Variants in SH3RF2 observed in about 807,000 individuals in gnomAD.
The protein encoded by SH3RF2 is SH3 domain containing ring finger 2.
Under a neutral mutation model 59.0 loss-of-function variants are expected in SH3RF2, and 43 were observed. The ratio of observed to expected loss-of-function variants is 0.73; its 90% CI spans 0.57 to 0.94. The LOEUF (loss-of-function observed/expected upper bound fraction) is 0.94, where lower values mean the gene tolerates loss of function less well. Among genes scored for constraint, SH3RF2 ranks in the 40% least tolerant of loss-of-function variants. The probability of loss-of-function intolerance (pLI) is 0.00; values close to 1 mark genes in which losing one functional copy is unlikely to be tolerated. For synonymous variants in SH3RF2, 391 were observed against 391.5 expected, an observed-to-expected ratio of 1.00 and a Z score of 0.01; for missense variants, 930 against 940.1, an observed-to-expected ratio of 0.99 and a Z score of 0.14.
At chr5:146,009,513 CCTT>C (rs1760788530) in intron 4 of SH3RF2, among the ~76,000 whole-genome samples, 1 of 152,156 alleles carries the variant, frequency 6.6e-6, no homozygotes. Flanking sequence ...ATAGCTAGCT[CCTT>C]CTTGACATTT....
At chr5:146,059,545 TGTAC>T (rs1413243058) in intron 8 of SH3RF2, among the ~76,000 whole-genome samples, 15 of 151,088 alleles carry the variant, frequency 9.9e-5, no homozygotes, top group African/African-American at 3.7e-4. Context: ...CGTGTGTGTG[TGTAC>T]GTGTGTGTGT....
chr5:146,036,893 C>T (rs559642389), intron 5 of SH3RF2, among the ~76,000 whole-genome samples: 1 of 152,266 alleles, frequency 6.6e-6, no homozygotes, highest in Admixed American at 6.5e-5. Flanking sequence ...CAACCTAGCA[C>T]CGGGGAAAAG....
At position 146,060,240 on chromosome 5, in the gene SH3RF2, C is replaced by A; in HGVS notation, c.1914+16C>A. ...CATCGAAAAGGTAGGATCAGAGTGA[C>A]ATTGGGGGCCCAACTCTTTCGATCC... is the stretch of plus-strand genomic sequence containing the variant. On this transcript the variant is annotated intron_variant, in intron 9 of 9. Transcript: ENST00000359120. 1.3e-6 allele frequency: 2 copies of A among 1,575,608 alleles called. No individual in the cohort carries two copies. The highest frequency in any genetic ancestry group is 1.7e-6 in the Non-Finnish European group (2 of 1,158,676).
chr5:146,034,833 G>A (rs1761873264), intron 5 of SH3RF2, among the ~76,000 whole-genome samples: 1 of 152,186 alleles, frequency 6.6e-6, no homozygotes, highest in South Asian at 2.1e-4. Flanking sequence ...GAGGCCAGGT[G>A]CAGTGGCTCA....
intron 5 of SH3RF2, among the ~76,000 whole-genome samples, chr5:146,045,145 G>A (rs1413100895): frequency 6.6e-6 from 1 of 152,116 alleles, no homozygotes; most frequent in Non-Finnish European, 1.5e-5. Flanking sequence ...GCCCTGTAGG[G>A]GTTTAACCTT....
At chr5:146,028,020 C>G (rs1191262045) in intron 5 of SH3RF2, among the ~76,000 whole-genome samples, 7 of 152,156 alleles carry the variant, frequency 4.6e-5, no homozygotes, top group Non-Finnish European at 1.0e-4. Context: ...TTAATCCTGG[C>G]AGGTGAGTCA....
chr5:146,029,302 T>C (rs1761657973), intron 5 of SH3RF2, among the ~76,000 whole-genome samples: 1 of 152,322 alleles, frequency 6.6e-6, no homozygotes, highest in South Asian at 2.1e-4. Flanking sequence ...CCATGCTCTT[T>C]CCCTGCCCAA....
chr5:145,938,284 A>G lies in SH3RF2; in HGVS notation c.356A>G (p.Asn119Ser). Reference sequence around the variant, plus strand: ...GCCAGTCCTTTCCGGCTAGTGCCTAATGTCAGAATCCACATGGATGGGGTA... The same window carrying G: ...GCCAGTCCTTTCCGGCTAGTGCCTAGTGTCAGAATCCACATGGATGGGGTA... ...LQASPFRLVP[N>S]VRIHMDGVPR... The change falls in exon 2 of 10, where the codon AAT (asparagine) becomes AGT (serine). Residue 119 changes from asparagine to serine, a missense_variant. By Grantham distance (46) the Asn-to-Ser change is conservative (BLOSUM62 1). Coordinates refer to ENST00000359120, the MANE Select transcript of SH3RF2 (RefSeq NM_152550.4). 1 of 1,572,364 alleles carries G rather than the reference A, an allele frequency of 6.4e-7. No individual in the cohort carries two copies. Among genetic ancestry groups the G allele is most frequent in the South Asian group, 1.2e-5 (1 of 85,466 alleles).
chr5:146,018,893 G>A (rs1356077110), intron 5 of SH3RF2, among the ~76,000 whole-genome samples: 1 of 22,570 alleles, frequency 4.4e-5, no homozygotes, highest in African/African-American at 4.8e-5. Flanking sequence ...GTGATATTGA[G>A]CATTTTTATA....
At chr5:146,033,451 CTTTTTTTTTTTTTTTT>C (rs558717056) in intron 5 of SH3RF2, among the ~76,000 whole-genome samples, 55 of 71,860 alleles carry the variant, frequency 7.7e-4, no homozygotes, top group East Asian at 4.1e-4. Context: ...TAGCCCTTAG[CTTTTTTTTTTTTTTTT>C]TTTTTTTTTT....
intron 5 of SH3RF2, among the ~76,000 whole-genome samples, chr5:146,031,937 A>T (rs1761758927): frequency 6.6e-6 from 1 of 152,120 alleles, no homozygotes; most frequent in South Asian, 2.1e-4. Flanking sequence ...AGCACCTCAC[A>T]ATGATGCATG....
intron 4 of SH3RF2, among the ~76,000 whole-genome samples, chr5:146,006,077 G>A (rs572891520): frequency 8.5e-4 from 129 of 152,236 alleles, no homozygotes; most frequent in African/African-American, 3.0e-3. Context: ...CCTACTCTCA[G>A]AGACTATAAA....
At chr5:146,055,903 A>T (rs1427990622) in intron 7 of SH3RF2, 78 bp from the exon 8 acceptor site, 1 of 1,485,836 alleles carries the variant, frequency 6.7e-7, no homozygotes, top group Admixed American at 2.0e-5. Flanking sequence ...GGGAGCTGAT[A>T]GGTTTTTAAA....
At chr5:146,074,180 C>G (rs1763295955) in intron 9 of SH3RF2, among the ~76,000 whole-genome samples, 1 of 152,032 alleles carries the variant, frequency 6.6e-6, no homozygotes, top group Non-Finnish European at 1.5e-5. Context: ...GCTGGGACTA[C>G]AGGCGCCCAA....
rs558167175 is a variant in SH3RF2, at chr5:146,078,260, C to A, written c.*34-200C>A. On this transcript the variant is annotated intron_variant, in intron 9 of 9. Transcript: ENST00000511217. ...ACTTTACAGTACCAAACACCTTAAC[C>A]AAAACACCAAAGTTAGCATCACAAG... Among the ~76,000 whole-genome samples the A allele has an allele frequency of 3.9e-5, 6 of 152,226 alleles. No homozygotes were observed. In the South Asian group the frequency reaches 8.3e-4, roughly 21 times the overall value.
intron 2 of SH3RF2, among the ~76,000 whole-genome samples, chr5:145,969,128 T>C (rs1312673229): frequency 6.6e-6 from 1 of 152,206 alleles, no homozygotes; most frequent in South Asian, 2.1e-4. Context: ...AATATTTACA[T>C]GCTGTTGCCA....
intron 9 of SH3RF2, among the ~76,000 whole-genome samples, chr5:146,077,427 T>C (rs1242110998): frequency 1.3e-5 from 2 of 152,224 alleles, no homozygotes; most frequent in Non-Finnish European, 2.9e-5. Flanking sequence ...TTCAGACTTT[T>C]ATAAATGTTT....
At chr5:146,046,273 C>A (rs1314455664) in intron 5 of SH3RF2, among the ~76,000 whole-genome samples, 1 of 152,114 alleles carries the variant, frequency 6.6e-6, no homozygotes, top group Non-Finnish European at 1.5e-5. Context: ...TTGCAATGGA[C>A]CAATGCCATC....
intron 2 of SH3RF2, among the ~76,000 whole-genome samples, chr5:145,949,244 C>T (rs1011498944): frequency 2.6e-5 from 4 of 152,196 alleles, no homozygotes; most frequent in Non-Finnish European, 4.4e-5. Context: ...CCAGGGAGAA[C>T]ACCAACTGAC....
Sources: gnomAD v4.1 joint callset for allele counts (sites outside exome capture counted in the v4.1 genomes callset) on GRCh38, gnomAD v4.1.1 for gene constraint, MANE v1.5 for transcripts, NCBI Gene and HGNC (gene_info 2026-07-23, HGNC 2026-07-21) for gene names.